DHX33: variants seen among roughly 807,000 people sequenced by gnomAD.
DHX33 encodes the protein ATP-dependent RNA helicase DHX33.
A neutral mutation model predicts 72.5 loss-of-function variants in DHX33; 42 were observed. The observed-to-expected ratio is 0.58, with a 90% CI of 0.45 to 0.75. The LOEUF (loss-of-function observed/expected upper bound fraction) is 0.75. Ranked by LOEUF, DHX33 falls within the 30% of genes least tolerant of loss-of-function variation. The pLI is 0.00. For synonymous variants in DHX33, 358 were observed against 366.1 expected, an observed-to-expected ratio of 0.98 and a Z score of 0.25; for missense variants, 842 against 917.5, an observed-to-expected ratio of 0.92 and a Z score of 1.06.
At position 5,448,812 on chromosome 17, in the gene DHX33, T is replaced by G. The variant is rs1363146950; in HGVS notation, c.1812A>C (p.Leu604Phe). The G allele has an allele frequency of 6.2e-7, 1 of 1,606,780 alleles. No individual in the cohort carries two copies. The highest frequency in any genetic ancestry group is 8.5e-7 in the Non-Finnish European group (1 of 1,176,608). Reference protein sequence around the residue: ...EVRAQLRDICLKMSMPIASSR... With the variant: ...EVRAQLRDICFKMSMPIASSR... Reference sequence around the variant, plus strand: ...GAACACTAGGACCAGACGATACCTTTAAGCAGATGTCCCTCAGCTGTGCTC... The same window carrying G: ...GAACACTAGGACCAGACGATACCTTGAAGCAGATGTCCCTCAGCTGTGCTC... The change falls in exon 11 of 12, where the codon TTA becomes TTC. Residue 604 changes from leucine to phenylalanine, a missense_variant. Coordinates refer to ENST00000225296, the MANE Select transcript of DHX33 (RefSeq NM_020162.4).
At chr17:5,456,280 C>T (rs988111623) in intron 4 of DHX33, 98 bp from the exon 5 acceptor site, 54 of 1,291,838 alleles carry the variant, frequency 4.2e-5, no homozygotes, top group Middle Eastern at 4.2e-4. Flanking sequence ...AGAGTTATTT[C>T]TCTTAACTAT....
chr17:5,466,729 A>G (rs1904888064), intron 1 of DHX33, among the ~76,000 whole-genome samples: 1 of 152,244 alleles, frequency 6.6e-6, no homozygotes, highest in East Asian at 1.9e-4. Flanking sequence ...AACCTAGGAC[A>G]CATGGAGCTA....
rs1203089127 is a variant in DHX33, at chr17:5,456,043, G to A, written c.989C>T (p.Ser330Phe). The change falls in exon 5 of 12, where the codon TCC (serine) becomes TTC (phenylalanine). Residue 330 changes from serine (S) to phenylalanine (F), a missense_variant. Coordinates refer to ENST00000225296, the MANE Select transcript of DHX33 (RefSeq NM_020162.4). ...TCGGAGCTGCTGTGCATAGGGCAGG[G>A]AGGCGTACAGAGGAAGGACCAGCAT... is the stretch of plus-strand genomic sequence containing the variant. ...PAMLVLPLYA[S>F]LPYAQQLRVF... 6.2e-7 allele frequency: 1 copy of A among 1,613,266 alleles called. No homozygotes were observed. Among genetic ancestry groups the A allele is most frequent in the Admixed American group, 1.7e-5 (1 of 60,014 alleles).
chr17:5,451,655 T>C (rs1336811859), intron 8 of DHX33, among the ~76,000 whole-genome samples: 2 of 152,218 alleles, frequency 1.3e-5, no homozygotes, highest in African/African-American at 4.8e-5. Flanking sequence ...CTATTTTATA[T>C]ATTTTAAACT....
chr17:5,457,622 A>G (rs1904383472), intron 4 of DHX33, among the ~76,000 whole-genome samples: 2 of 151,628 alleles, frequency 1.3e-5, no homozygotes, highest in Admixed American at 6.6e-5. Flanking sequence ...AAAAAAAAAA[A>G]AGTGCCTAAT....
intron 4 of DHX33, among the ~76,000 whole-genome samples, chr17:5,457,061 C>A (rs1904350725): frequency 6.6e-6 from 1 of 152,230 alleles, no homozygotes. Context: ...GTGCTTAACA[C>A]TTTGGGAGGC....
At chr17:5,464,637 GCTC>G (rs1040943987) in intron 1 of DHX33, among the ~76,000 whole-genome samples, 3 of 152,094 alleles carry the variant, frequency 2.0e-5, no homozygotes, top group African/African-American at 7.2e-5. Context: ...ATTCAATTTT[GCTC>G]CTGACAGAAA....
Position 5,461,036 on chromosome 17 carries a change from AG to A in DHX33, c.751del (p.Leu251Ter). ...QYFNGAPVLY[L>X]EGRQHPIQVF... Reference sequence around the variant, plus strand: ...CTGGATCGGATGCTGCCGACCCTCTAGGTAGAGGACGGGGGCGCCATTGAAA... The same window carrying A: ...CTGGATCGGATGCTGCCGACCCTCTAGTAGAGGACGGGGGCGCCATTGAAA... On this transcript the variant is annotated frameshift_variant, in exon 4 of 12. Transcript: ENST00000225296. LOFTEE classifies it high-confidence loss of function. 6.2e-7 allele frequency: 1 copy of A among 1,613,302 alleles called. No homozygotes were observed. Among genetic ancestry groups the A allele is most frequent in the Non-Finnish European group, 8.5e-7 (1 of 1,179,612 alleles).
intron 1 of DHX33, 108 bp from the exon 2 acceptor site, chr17:5,463,797 G>T: frequency 9.3e-7 from 1 of 1,077,636 alleles, no homozygotes. Context: ...GAGGTAGGAG[G>T]CTCTCTTGAG....
Position 5,450,903 on chromosome 17 carries a change from G to A in DHX33, c.1428C>T (p.Asp476=). The A allele has an allele frequency of 6.2e-7, 1 of 1,614,096 alleles. No individual in the cohort carries two copies. Among genetic ancestry groups the A allele is most frequent in the Non-Finnish European group, 8.5e-7 (1 of 1,180,018 alleles). Residue 476 remains aspartate (D), a synonymous_variant, in exon 9 of 12, where the codon GAC becomes GAT. Coordinates refer to ENST00000225296, the MANE Select transcript of DHX33 (RefSeq NM_020162.4). ...DHIQAAIAQL[D]LLGALEHKDD... ...CCTTATGTTCAAGAGCACCTAACAGGTCCAGTTGGGCAATGGCCGCCTGAA... is the reference window on the plus strand; with the variant it reads ...CCTTATGTTCAAGAGCACCTAACAGATCCAGTTGGGCAATGGCCGCCTGAA...
intron 11 of DHX33, among the ~76,000 whole-genome samples, chr17:5,446,574 C>T (rs1264824613): frequency 1.3e-5 from 2 of 152,096 alleles, no homozygotes; most frequent in African/African-American, 4.8e-5. Context: ...AAGGCAGCCA[C>T]ATAAAAAGTA....
intron 4 of DHX33, among the ~76,000 whole-genome samples, chr17:5,460,029 T>TTA (rs1447589759): frequency 6.8e-6 from 1 of 147,720 alleles, no homozygotes; most frequent in Non-Finnish European, 1.5e-5. Flanking sequence ...TTTTTTTTTT[T>TTA]TTTGAGACAG....
chr17:5,468,714 C>A lies in DHX33; in HGVS notation c.146G>T (p.Arg49Leu). Residue 49 changes from arginine to leucine, a missense_variant, in exon 1 of 12, where the codon CGG becomes CTG. Arg to Leu is a moderately radical substitution (Grantham distance 102, BLOSUM62 -2). Coordinates refer to ENST00000225296, the MANE Select transcript of DHX33 (RefSeq NM_020162.4). ...CTGGGCCAGGGGCGGCTGCTGCCTC[C>A]GGCCTCCTCCTCCTCCTCTGCCGCC... The part of the protein sequence containing the change: ...GSGGRGGGGG[R>L]RQQPPLAQPS... 6.2e-7 allele frequency: 1 copy of A among 1,611,190 alleles called. No homozygotes were observed.
intron 4 of DHX33, among the ~76,000 whole-genome samples, chr17:5,460,476 A>T (rs1022980298): frequency 6.6e-5 from 10 of 152,022 alleles, no homozygotes; most frequent in African/African-American, 2.4e-4. Context: ...AAAAATCCAG[A>T]CACAGCAAAT....
In DHX33 at chr17:5,441,381, G is replaced by A. The variant is rs1203468243; in HGVS notation, c.*2824C>T. 1 of 152,194 alleles carries A rather than the reference G, an allele frequency of 6.6e-6. No individual in the cohort carries two copies. Among genetic ancestry groups the A allele is most frequent in the Admixed American group, 6.5e-5 (1 of 15,276 alleles). The allele number at this position is 152,194 out of a possible 1,614,324, so 9.4% of individuals were successfully genotyped here. On this transcript the variant is annotated 3_prime_UTR_variant, in exon 12 of 12. Transcript: ENST00000225296. The stretch of plus-strand genomic sequence containing the variant: ...GATTACTAGAAGACAAACACCTGAG[G>A]CATGCAATCTGCTTGGAGTGCATCT...
chr17:5,445,095 T>A (rs1013822148), intron 11 of DHX33, among the ~76,000 whole-genome samples: 3 of 151,954 alleles, frequency 2.0e-5, no homozygotes, highest in Admixed American at 2.0e-4. Context: ...TTTTTTTTTT[T>A]TGAGGCTGAG....
intron 11 of DHX33, 89 bp downstream of exon 11, chr17:5,448,720 A>T: frequency 1.1e-6 from 1 of 896,772 alleles, no homozygotes; most frequent in Non-Finnish European, 1.6e-6. Flanking sequence ...AAATCCTTTT[A>T]TAATCACTAG....
intron 4 of DHX33, among the ~76,000 whole-genome samples, chr17:5,456,974 C>T (rs1904347257): frequency 6.6e-6 from 1 of 152,130 alleles, no homozygotes; most frequent in Admixed American, 6.5e-5. Context: ...GGAACAACAC[C>T]CAAGTGTGAA....
chr17:5,445,336 C>T (rs1288187222), intron 11 of DHX33, among the ~76,000 whole-genome samples: 1 of 152,230 alleles, frequency 6.6e-6, no homozygotes, highest in Non-Finnish European at 1.5e-5. Context: ...GCCTTGGCCT[C>T]CCAAAGTGCT....
Sources: gnomAD v4.1 joint callset for allele counts (sites outside exome capture counted in the v4.1 genomes callset) on GRCh38, gnomAD v4.1.1 for gene constraint, MANE v1.5 for transcripts, NCBI Gene and HGNC (gene_info 2026-07-23, HGNC 2026-07-21) for gene names.